CLIC1: variants seen among roughly 807,000 people sequenced by gnomAD.
CLIC1 encodes the protein chloride intracellular channel protein 1.
Under a neutral mutation model 26.4 loss-of-function variants are expected in CLIC1, and 16 were observed. The ratio of observed to expected loss-of-function variants is 0.61; its 90% CI spans 0.41 to 0.92. The LOEUF (loss-of-function observed/expected upper bound fraction) is 0.92, where lower values mean the gene tolerates loss of function less well. Ranked by LOEUF, CLIC1 falls within the 40% of genes least tolerant of loss-of-function variation. CLIC1 has a pLI of 0.00. For missense variants in CLIC1, 225 were observed against 289.7 expected, an observed-to-expected ratio of 0.78 and a Z score of 1.62; for synonymous variants, 98 against 120.8, an observed-to-expected ratio of 0.81 and a Z score of 1.24.
chr6:31,734,329 C>A lies in CLIC1; in HGVS notation c.40-66G>T, dbSNP rs1808195893. 1 of 1,181,524 alleles carries A rather than the reference C, an allele frequency of 8.5e-7. No individual in the cohort carries two copies. Among genetic ancestry groups the A allele is most frequent in the Non-Finnish European group, 1.2e-6 (1 of 801,898 alleles). The allele number at this position is 1,181,524 out of a possible 1,614,324, so 73.2% of individuals were successfully genotyped here. ...CCACCCATCCCTAGGCCAGTCCCTG[C>A]ATTCCCACTCCCAGACCAGCTGTTT... On this transcript the variant is annotated intron_variant, in intron 1 of 5. Coordinates refer to ENST00000375784, the Ensembl canonical transcript of CLIC1. This position sits in a 1 kb window ranked among gnomAD's most constrained non-coding sequence, Gnocchi z 5.3.
In CLIC1 at chr6:31,734,933, C is replaced by T. The variant is rs400547; in HGVS notation, c.40-670G>A. On this transcript the variant is annotated intron_variant, in intron 1 of 5. Coordinates refer to ENST00000375784, the Ensembl canonical transcript of CLIC1. This position sits in a 1 kb window ranked among gnomAD's most constrained non-coding sequence, Gnocchi z 5.3. ...GGCAGCTAAGGCTACCCCTAACCTG[C>T]TGCCAGGGTCTCCCAGCACAAGTCC... Among the ~76,000 whole-genome samples the T allele has an allele frequency of 0.11, 16,299 of 151,908 alleles. 1,191 individuals carry two copies. Among genetic ancestry groups the T allele is most frequent in the African/African-American group, 0.2 (8,400 of 41,358 alleles).
Position 31,733,610 on chromosome 6 carries a change from T to C in CLIC1, c.338A>G (p.Lys113Arg), listed in dbSNP as rs1222125814. ...TGAATTCTTGATGTAGGCAGAAAATTTGGCAAATATGTCCAGCCCAGCTGT... is the reference window on the plus strand; with the variant it reads ...TGAATTCTTGATGTAGGCAGAAAATCTGGCAAATATGTCCAGCCCAGCTGT... Residue 113 changes from lysine (K) to arginine (R), a missense_variant, in exon 4 of 6, where the codon AAA (lysine) becomes AGA (arginine). Physicochemically the swap from Lys to Arg is conservative, Grantham distance 26. Transcript: ENST00000375784. The surrounding 1 kb of genome is among the most constrained non-coding windows in gnomAD (Gnocchi z 5.4). 4 of 1,613,074 alleles carry C rather than the reference T, an allele frequency of 2.5e-6. No homozygotes were observed. The highest frequency in any genetic ancestry group is 3.4e-6 in the Non-Finnish European group (4 of 1,180,022).
rs1376491899 is a variant in CLIC1, at chr6:31,736,276, C to A, written c.25G>T (p.Glu9Ter). ...AGTGTTCTTACCTTCACGAACAATTCGACCTGCGGTTGTTCTTCAGCCATG... is the reference window on the plus strand; with the variant it reads ...AGTGTTCTTACCTTCACGAACAATTAGACCTGCGGTTGTTCTTCAGCCATG... Residue 9 changes from glutamate to a stop codon, truncating the protein, a stop_gained, in exon 1 of 6, where the codon GAA becomes TAA. Coordinates refer to ENST00000375784, the Ensembl canonical transcript of CLIC1. LOFTEE classifies it high-confidence loss of function. This position sits in a 1 kb window ranked among gnomAD's most constrained non-coding sequence, Gnocchi z 5.0. The A allele has an allele frequency of 6.2e-7, 1 of 1,612,524 alleles. No individual in the cohort carries two copies. Among genetic ancestry groups the A allele is most frequent in the Non-Finnish European group, 8.5e-7 (1 of 1,179,818 alleles).
rs570492617 is a variant in CLIC1 at position 31,732,012 on chromosome 6, C to T, written c.564+205G>A. 6.6e-6 allele frequency among the ~76,000 whole-genome samples: 1 copy of T among 152,184 alleles called. No individual in the cohort carries two copies. The highest frequency in any genetic ancestry group is 6.5e-5 in the Admixed American group (1 of 15,280). ...GTCTGTTTGCACCCATGACTTACAT[C>T]ATGGAATATAATTATCTCAAGCAGT... On this transcript the variant is annotated intron_variant, in intron 5 of 5. Transcript: ENST00000375784. The surrounding 1 kb of genome is among the most constrained non-coding windows in gnomAD (Gnocchi z 5.0).
intron 1 of CLIC1, among the ~76,000 whole-genome samples, chr6:31,735,610 G>A (rs1272046247): frequency 1.3e-5 from 2 of 151,864 alleles, no homozygotes; most frequent in Non-Finnish European, 2.9e-5. Context: ...TTAAACTCAC[G>A]TCTTCTTGCC....
chr6:31,730,952 C>G lies in CLIC1; in HGVS notation c.616G>C (p.Val206Leu). ...TAGGCATTGCTCAAGTACCGATGCA[C>G]TCCCCGGAAGGCCTCGGGGATGGTG... The change falls in exon 6 of 6, where the codon GTG (valine) becomes CTG (leucine). Residue 206 changes from valine to leucine, a missense_variant. By Grantham distance (32) the Val-to-Leu change is conservative. Transcript: ENST00000375784. This position sits in a 1 kb window ranked among gnomAD's most constrained non-coding sequence, Gnocchi z 5.1. The G allele has an allele frequency of 6.2e-7, 1 of 1,613,016 alleles. No homozygotes were observed. Among genetic ancestry groups the G allele is most frequent in the Non-Finnish European group, 8.5e-7 (1 of 1,179,996 alleles).
rs2151312224 is a variant in CLIC1 at position 31,730,626 on chromosome 6, T to C, written c.*216A>G. 4 of 558,602 alleles carry C rather than the reference T, an allele frequency of 7.2e-6. No homozygotes were observed. The South Asian group carries it at 7.6e-5, about 11-fold the overall frequency. 34.6% of individuals were successfully genotyped at this position (558,602 alleles called of 1,614,324 possible). ...TTTATTCTGTATTTTATTACTGAAA[T>C]ATGTTGTCCTACTCATCCCACCCCA... On this transcript the variant is annotated 3_prime_UTR_variant, in exon 6 of 6. Transcript: ENST00000375784. This position sits in a 1 kb window ranked among gnomAD's most constrained non-coding sequence, Gnocchi z 5.1.
upstream of CLIC1, chr6:31,736,661 T>A: frequency 9.0e-7 from 1 of 1,117,236 alleles, no homozygotes. This position sits in a 1 kb window ranked among gnomAD's most constrained non-coding sequence, Gnocchi z 5.0. Flanking sequence ...GATGGGGGTG[T>A]TAAGGAGGAG....
chr6:31,736,296 G>A lies in CLIC1; in HGVS notation c.5C>T (p.Ala2Val). Residue 2 changes from alanine (A) to valine (V), a missense_variant, in exon 1 of 6, where the codon GCT (alanine) becomes GTT (valine). Ala to Val is a moderately conservative substitution (Grantham distance 64). Coordinates refer to ENST00000375784, the Ensembl canonical transcript of CLIC1. This position sits in a 1 kb window ranked among gnomAD's most constrained non-coding sequence, Gnocchi z 5.0. ...CAATTCGACCTGCGGTTGTTCTTCA[G>A]CCATGGTTGCGTCGGGGACCAGGAA... 2 of 1,612,884 alleles carry A rather than the reference G, an allele frequency of 1.2e-6. No homozygotes were observed. The highest frequency in any genetic ancestry group is 1.7e-6 in the Non-Finnish European group (2 of 1,179,964).
chr6:31,732,465 G>C lies in CLIC1; in HGVS notation c.383-67C>G. Reference sequence around the variant, plus strand: ...TGACATAGTCCGAAAAGGCCCGTTGGGGGTGGATACTAATGGTGAGTCCAA... The same window carrying C: ...TGACATAGTCCGAAAAGGCCCGTTGCGGGTGGATACTAATGGTGAGTCCAA... On this transcript the variant is annotated intron_variant, in intron 4 of 5. Transcript: ENST00000375784. This position sits in a 1 kb window ranked among gnomAD's most constrained non-coding sequence, Gnocchi z 5.0. 2 of 1,219,674 alleles carry C rather than the reference G, an allele frequency of 1.6e-6. No homozygotes were observed. Among genetic ancestry groups the C allele is most frequent in the Non-Finnish European group, 2.2e-6 (2 of 916,588 alleles). 75.6% of individuals were successfully genotyped at this position (1,219,674 alleles called of 1,614,324 possible).
chr6:31,735,304 A>C (rs1808253642), intron 1 of CLIC1, among the ~76,000 whole-genome samples: 1 of 151,712 alleles, frequency 6.6e-6, no homozygotes, highest in Non-Finnish European at 1.5e-5. Context: ...GACACTGTTA[A>C]GGAAGGGAGG....
Position 31,736,415 on chromosome 6 carries a change from T to G in CLIC1, c.-115A>C. The G allele has an allele frequency of 1.3e-6, 2 of 1,567,976 alleles. No homozygotes were observed. The highest frequency in any genetic ancestry group is 1.7e-6 in the Non-Finnish European group (2 of 1,156,100). On this transcript the variant is annotated 5_prime_UTR_variant, in exon 1 of 6. Coordinates refer to ENST00000375784, the Ensembl canonical transcript of CLIC1. The surrounding 1 kb of genome is among the most constrained non-coding windows in gnomAD (Gnocchi z 5.0). ...CTCCCCTAGACCCAGGGCTGTCCCT[T>G]CAGCACAACACAAGCTCAATCAGAC...
rs960593378 is a variant in CLIC1 at position 31,736,480 on chromosome 6, C to G, written c.-180G>C. 7.1e-7 allele frequency: 1 copy of G among 1,408,398 alleles called. No homozygotes were observed. Among genetic ancestry groups the G allele is most frequent in the African/African-American group, 1.5e-5 (1 of 68,910 alleles). The allele number at this position is 1,408,398 out of a possible 1,614,324, so 87.2% of individuals were successfully genotyped here. A position where few individuals can be genotyped will look rare whatever the true frequency, so the allele number is the denominator to read the frequency against. On this transcript the variant is annotated 5_prime_UTR_variant, in exon 1 of 6. Transcript: ENST00000375784. This position sits in a 1 kb window ranked among gnomAD's most constrained non-coding sequence, Gnocchi z 5.0. Reference sequence around the variant, plus strand: ...ACTAGGCCTCCCCACCAGCCCAACGCACCCCACACCCAGCTCCTCCAGCTC... The same window carrying G: ...ACTAGGCCTCCCCACCAGCCCAACGGACCCCACACCCAGCTCCTCCAGCTC...
In CLIC1 at chr6:31,733,697, G is replaced by C. The variant is rs1028692265; in HGVS notation, c.276-25C>G. The C allele has an allele frequency of 4.3e-6, 7 of 1,610,898 alleles. No homozygotes were observed. In the African/African-American group the frequency reaches 9.3e-5, roughly 22 times the overall value. On this transcript the variant is annotated intron_variant, in intron 3 of 5. Coordinates refer to ENST00000375784, the Ensembl canonical transcript of CLIC1. The surrounding 1 kb of genome is among the most constrained non-coding windows in gnomAD (Gnocchi z 5.4). The stretch of plus-strand genomic sequence containing the variant: ...CCTGAAAGCCAATGGGAAAAATGAG[G>C]TAAGATGTCTTCCTGGGAGGAACCT...
chr6:31,730,910 C>G lies in CLIC1; in HGVS notation c.658G>C (p.Ala220Pro), dbSNP rs895669772. ...TCCTCATCATCTGGACAGGTGGAAG[C>G]GAATTCTTCCCGGGCGTAGGCATTG... The change falls in exon 6 of 6, where the codon GCT (alanine) becomes CCT (proline). Residue 220 changes from alanine to proline, a missense_variant. Transcript: ENST00000375784. This position sits in a 1 kb window ranked among gnomAD's most constrained non-coding sequence, Gnocchi z 5.1. 1.2e-6 allele frequency: 2 copies of G among 1,612,976 alleles called. No homozygotes were observed. Among genetic ancestry groups the G allele is most frequent in the Admixed American group, 1.7e-5 (1 of 60,006 alleles).
chr6:31,733,571 T>C lies in CLIC1; in HGVS notation c.377A>G (p.Asn126Ser). 4 of 1,610,234 alleles carry C rather than the reference T, an allele frequency of 2.5e-6. No individual in the cohort carries two copies. Among genetic ancestry groups the C allele is most frequent in the Non-Finnish European group, 2.5e-6 (3 of 1,177,600 alleles). ...CTCTGACCCACAAGACTCACTGTCA[T>C]TGAGTGCTGGGTTTGAATTCTTGAT... The change falls in exon 4 of 6, where the codon AAT becomes AGT. Residue 126 changes from asparagine to serine, a missense_variant. Transcript: ENST00000375784. The surrounding 1 kb of genome is among the most constrained non-coding windows in gnomAD (Gnocchi z 5.4).
At position 31,731,013 on chromosome 6, in the gene CLIC1, G is replaced by C; in HGVS notation, c.565-10C>G. On this transcript the variant is annotated splice_polypyrimidine_tract_variant and intron_variant, in intron 5 of 5. Transcript: ENST00000375784. ...ACTTCTTACACACCACCTGAGGATG[G>C]GGAGAGGAGAGGGACCAACATGTTA... 1 of 1,611,686 alleles carries C rather than the reference G, an allele frequency of 6.2e-7. No individual in the cohort carries two copies. Among genetic ancestry groups the C allele is most frequent in the Non-Finnish European group, 8.5e-7 (1 of 1,179,382 alleles).
upstream of CLIC1, chr6:31,737,115 G>C (rs149979354): frequency 2.7e-5 from 5 of 185,104 alleles, no homozygotes; most frequent in Non-Finnish European, 5.1e-5. Context: ...CCTACACTTG[G>C]GATTGGGCAT....
upstream of CLIC1, chr6:31,736,751 T>G: frequency 9.9e-7 from 1 of 1,007,726 alleles, no homozygotes; most frequent in Non-Finnish European, 1.2e-6. The surrounding 1 kb of genome is among the most constrained non-coding windows in gnomAD (Gnocchi z 5.0). Flanking sequence ...TTCATTAATC[T>G]GAGTACAACC....
Sources: gnomAD v4.1 joint callset for allele counts (sites outside exome capture counted in the v4.1 genomes callset) on GRCh38, gnomAD v4.1.1 for gene constraint, Gnocchi (gnomAD v3.1) non-coding constraint, MANE v1.5 for transcripts, NCBI Gene and HGNC (gene_info 2026-07-23, HGNC 2026-07-21) for gene names.